Variants in GRHL2 observed in about 807,000 individuals in gnomAD.
GRHL2 encodes the protein grainyhead like transcription factor 2.
A neutral mutation model predicts 83.8 loss-of-function variants in GRHL2; 21 were observed. The observed-to-expected ratio is 0.25, with a 90% CI of 0.18 to 0.36. The LOEUF is 0.36. GRHL2 is among the 10% of genes least tolerant of loss of function. The probability of loss-of-function intolerance (pLI) is 1.00; values close to 1 mark genes in which losing one functional copy is unlikely to be tolerated. For missense variants in GRHL2, 623 were observed against 781.8 expected, an observed-to-expected ratio of 0.80 and a Z score of 2.42; for synonymous variants, 280 against 278.9, an observed-to-expected ratio of 1.00 and a Z score of -0.04.
At chr8:101,572,957 T>C (rs953317414) in intron 5 of GRHL2, among the ~76,000 whole-genome samples, 4 of 152,206 alleles carry the variant, frequency 2.6e-5, no homozygotes, top group Admixed American at 2.6e-4. Context: ...AAAGCAGTCA[T>C]AGACAGTATG....
At chr8:101,572,142 T>G (rs16867834) in intron 5 of GRHL2, among the ~76,000 whole-genome samples, 14,472 of 152,222 alleles carry the variant, frequency 0.095, 889 homozygotes, top group African/African-American at 0.17. Flanking sequence ...GAAGGAAAAT[T>G]CACTGCTTTC....
intron 8 of GRHL2, among the ~76,000 whole-genome samples, chr8:101,602,342 T>G (rs4734546): frequency 6.6e-6 from 1 of 152,026 alleles, no homozygotes; most frequent in Non-Finnish European, 1.5e-5. Flanking sequence ...TGTGGACTTA[T>G]CTATCAGGAG....
Position 101,619,518 on chromosome 8 carries a change from TTTTC to T in GRHL2, c.1099-15_1099-12del, listed in dbSNP as rs1812920868. Reference sequence around the variant, plus strand: ...TTCTTTTTATGTTGACTTGTGAACTTTTTCTTTCTCTTTCCCTCAGATTTTCATC... The same window carrying T: ...TTCTTTTTATGTTGACTTGTGAACTTTTTCTCTTTCCCTCAGATTTTCATC... On this transcript the variant is annotated splice_polypyrimidine_tract_variant and intron_variant, in intron 8 of 15. Transcript: ENST00000646743. 3 of 1,612,882 alleles carry T rather than the reference TTTTC, an allele frequency of 1.9e-6. No individual in the cohort carries two copies. Among genetic ancestry groups the T allele is most frequent in the Non-Finnish European group, 2.5e-6 (3 of 1,179,378 alleles).
chr8:101,553,510 G>C (rs376877968), intron 3 of GRHL2, among the ~76,000 whole-genome samples: 1 of 152,132 alleles, frequency 6.6e-6, no homozygotes, highest in Non-Finnish European at 1.5e-5. Context: ...GGCACAGCAG[G>C]GGTGACTGGA....
chr8:101,588,936 G>A (rs1213097486), intron 7 of GRHL2, among the ~76,000 whole-genome samples: 2 of 152,154 alleles, frequency 1.3e-5, no homozygotes, highest in Non-Finnish European at 2.9e-5. Flanking sequence ...TTAACCAAGT[G>A]TTATAGTTTC....
At chr8:101,585,035 C>A (rs953635032) in intron 7 of GRHL2, among the ~76,000 whole-genome samples, 3 of 151,348 alleles carry the variant, frequency 2.0e-5, no homozygotes, top group African/African-American at 7.3e-5. Flanking sequence ...GGCTAGCTGG[C>A]CAGGTAGCTA....
At chr8:101,543,668 C>G (rs1360498396) in intron 2 of GRHL2, 4 of 551,010 alleles carry the variant, frequency 7.3e-6, no homozygotes, top group African/African-American at 1.9e-5. Context: ...TTTTTGTGTT[C>G]CTTGTTCACA....
In GRHL2 at chr8:101,542,626, T is replaced by A. The variant is rs1165476854; in HGVS notation, c.21-615T>A. On this transcript the variant is annotated intron_variant, in intron 1 of 15. Transcript: ENST00000646743. ...AATGACTGGATACAGAGCTCTGAGT[T>A]TGAAGAGGACCAATTGTTTTAGTCA... 7.4e-5 allele frequency: 26 copies of A among 352,278 alleles called. 1 individual carries two copies. The highest frequency in any genetic ancestry group is 5.9e-4 in the South Asian group (25 of 42,514). 21.8% of individuals were successfully genotyped at this position (352,278 alleles called of 1,614,324 possible). A position where few individuals can be genotyped will look rare whatever the true frequency, so the allele number is the denominator to read the frequency against.
intron 9 of GRHL2, among the ~76,000 whole-genome samples, chr8:101,625,561 A>G (rs1311654087): frequency 1.3e-5 from 2 of 151,962 alleles, no homozygotes; most frequent in African/African-American, 4.8e-5. Flanking sequence ...GATTATATGG[A>G]TTTTTCCAAA....
chr8:101,542,564 A>C (rs1296400576), intron 1 of GRHL2, among the ~76,000 whole-genome samples: 3 of 152,078 alleles, frequency 2.0e-5, no homozygotes, highest in Non-Finnish European at 4.4e-5. Context: ...AGAAAAAAAA[A>C]AAAAAGAATA....
At chr8:101,654,299 A>G (rs1278990510) in intron 14 of GRHL2, among the ~76,000 whole-genome samples, 2 of 152,228 alleles carry the variant, frequency 1.3e-5, no homozygotes, top group Admixed American at 6.5e-5. Context: ...CTAATTATTG[A>G]AAGGTTGATT....
intron 9 of GRHL2, among the ~76,000 whole-genome samples, chr8:101,627,575 C>G (rs1332585875): frequency 6.6e-6 from 1 of 152,132 alleles, no homozygotes; most frequent in East Asian, 1.9e-4. Context: ...ACAACGGCCC[C>G]TGAGTGTTCA....
chr8:101,541,619 G>C (rs1356909136), intron 1 of GRHL2, among the ~76,000 whole-genome samples: 1 of 152,078 alleles, frequency 6.6e-6, no homozygotes, highest in Non-Finnish European at 1.5e-5. Flanking sequence ...ACGATGTGCT[G>C]ACATAGGTGT....
At chr8:101,600,560 T>C (rs868760520) in intron 8 of GRHL2, among the ~76,000 whole-genome samples, 5 of 152,228 alleles carry the variant, frequency 3.3e-5, no homozygotes, top group Admixed American at 6.5e-5. Flanking sequence ...AGAGGCTAGA[T>C]TGCTGAACCT....
At chr8:101,567,818 A>G (rs1354658335) in intron 4 of GRHL2, among the ~76,000 whole-genome samples, 1 of 152,180 alleles carries the variant, frequency 6.6e-6, no homozygotes, top group Admixed American at 6.5e-5. Context: ...TTACAAGTCC[A>G]ATATGCTTTA....
chr8:101,552,894 T>A, intron 3 of GRHL2, 112 bp downstream of exon 3: 1 of 997,286 alleles, frequency 1.0e-6, no homozygotes, highest in Non-Finnish European at 1.5e-6. Flanking sequence ...CTTAGCATCA[T>A]CTATCTGTCT....
At chr8:101,574,842 C>T (rs1373190994) in intron 6 of GRHL2, among the ~76,000 whole-genome samples, 1 of 152,206 alleles carries the variant, frequency 6.6e-6, no homozygotes, top group Non-Finnish European at 1.5e-5. Context: ...TATCTTCAAG[C>T]GCCAGGTATT....
chr8:101,544,632 G>C (rs1811222822), intron 2 of GRHL2, among the ~76,000 whole-genome samples: 1 of 152,164 alleles, frequency 6.6e-6, no homozygotes, highest in South Asian at 2.1e-4. Flanking sequence ...ACAAATGTGA[G>C]GATGGCTGTG....
intron 11 of GRHL2, 55 bp from the exon 12 acceptor site, chr8:101,636,842 A>AT: frequency 6.6e-7 from 1 of 1,523,328 alleles, no homozygotes; most frequent in East Asian, 2.3e-5. Flanking sequence ...ATCACGTAAT[A>AT]TTTTTTCCAT....
Sources: gnomAD v4.1 joint callset for allele counts (sites outside exome capture counted in the v4.1 genomes callset) on GRCh38, gnomAD v4.1.1 for gene constraint, MANE v1.5 for transcripts, NCBI Gene and HGNC (gene_info 2026-07-23, HGNC 2026-07-21) for gene names.